The following ZNF83 variants were observed in gnomAD, a reference collection of about 807,000 sequenced individuals.
The protein encoded by ZNF83 is zinc finger protein 816B.
For missense variants in ZNF83, 552 were observed against 629.9 expected (o/e 0.88, Z 1.32); for synonymous variants, 209 against 213.0 (o/e 0.98, Z 0.17).
At chr19:52,627,116 G>C (rs12982142) in intron 2 of ZNF83, among the ~76,000 whole-genome samples, 42,525 of 151,980 alleles carry the variant, frequency 0.28, 6,219 homozygotes, top group Middle Eastern at 0.34. Flanking sequence ...ACCTTGTGAC[G>C]CTCTCCTCTG....
chr19:52,644,811 C>A lies in ZNF83; in HGVS notation c.-73-9658G>T, dbSNP rs77066202. On this transcript the variant is annotated intron_variant, in intron 3 of 5. Transcript: ENST00000594682. ...AGGTGGAGGTCTCAGGAGTTTGAGA[C>A]CAGCCTGGCCAACATGGTGAAACTC... 7.2e-3 allele frequency among the ~76,000 whole-genome samples: 1,093 copies of A among 151,958 alleles called. 15 individuals carry two copies. The highest frequency in any genetic ancestry group is 0.025 in the African/African-American group (1,045 of 41,444).
rs113146313 is a variant in ZNF83 at position 52,654,219 on chromosome 19, A to C, written c.-74+1342T>G. Reference sequence around the variant, plus strand: ...TTTTGATTTTTGTCATGGGTGCTTCATGGCCATTTCTTTTAATTTCTTGCC... The same window carrying C: ...TTTTGATTTTTGTCATGGGTGCTTCCTGGCCATTTCTTTTAATTTCTTGCC... On this transcript the variant is annotated intron_variant, in intron 3 of 5. Coordinates refer to the ZNF83 transcript ENST00000594682. The C allele has an allele frequency of 3.2e-6, 5 of 1,586,466 alleles. No homozygotes were observed. The Admixed American group carries it at 6.7e-5, about 21-fold the overall frequency.
chr19:52,618,430 T>G (rs1239243709), intron 2 of ZNF83: 1 of 154,774 alleles, frequency 6.5e-6, no homozygotes, highest in East Asian at 1.9e-4. Context: ...CGGCTAATTT[T>G]TTTTTGTATT....
upstream of ZNF83, among the ~76,000 whole-genome samples, chr19:52,639,417 T>TTTC (rs1555786095): frequency 3.0e-5 from 3 of 99,316 alleles, no homozygotes; most frequent in African/African-American, 8.1e-5. Context: ...TTTTTTCTAT[T>TTTC]TTTTTTTTTT....
chr19:52,636,510 T>C (rs2061152662), intron 1 of ZNF83: 1 of 152,182 alleles, frequency 6.6e-6, no homozygotes, highest in Non-Finnish European at 1.5e-5. Context: ...AGAATGTACA[T>C]GTCTTATAGA....
At chr19:52,676,723 T>G (rs1600264813) in intron 1 of ZNF83, among the ~76,000 whole-genome samples, 1 of 138,738 alleles carries the variant, frequency 7.2e-6, no homozygotes, top group Admixed American at 7.2e-5. Flanking sequence ...AATCGGATGG[T>G]TGCCGTGTCT....
At position 52,613,106 on chromosome 19, in the gene ZNF83, A is replaced by G. The variant is rs182556470; in HGVS notation, c.1459T>C (p.Cys487Arg). Reference sequence around the variant, plus strand: ...CGGAAGAGTTTGCCACATTCATTACATTTGAAATGTTTCTCTCCAGTGTGG... The same window carrying G: ...CGGAAGAGTTTGCCACATTCATTACGTTTGAAATGTTTCTCTCCAGTGTGG... The change falls in exon 3 of 3, where the codon TGT becomes CGT. Residue 487 changes from cysteine (C) to arginine (R), a missense_variant. Physicochemically the swap from Cys to Arg is radical, Grantham distance 180 (BLOSUM62 -3). Coordinates refer to ENST00000301096, the Ensembl canonical transcript of ZNF83. 24 of 1,614,052 alleles carry G rather than the reference A, an allele frequency of 1.5e-5. No homozygotes were observed. In the Middle Eastern group the frequency reaches 4.9e-4, roughly 33 times the overall value.
intron 1 of ZNF83, among the ~76,000 whole-genome samples, chr19:52,680,606 A>ATTTTTTTTT (rs556558292): frequency 5.6e-5 from 5 of 88,960 alleles, no homozygotes; most frequent in African/African-American, 2.3e-4. Flanking sequence ...TCCACAAAAT[A>ATTTTTTTTT]TTTTTTTTTT....
intron 1 of ZNF83, among the ~76,000 whole-genome samples, chr19:52,661,501 A>G (rs778865218): frequency 2.8e-4 from 42 of 152,298 alleles, no homozygotes; most frequent in Admixed American, 4.6e-4. Flanking sequence ...TTGATGTTCA[A>G]TGCTGGACAC....
intron 1 of ZNF83, among the ~76,000 whole-genome samples, chr19:52,688,139 A>C (rs560318961): frequency 5.6e-4 from 85 of 151,952 alleles, no homozygotes; most frequent in Middle Eastern, 3.4e-3. Context: ...TAGCCAATAA[A>C]CTCACCTACT....
intron 1 of ZNF83, among the ~76,000 whole-genome samples, chr19:52,670,263 A>G (rs1410020022): frequency 2.0e-5 from 3 of 152,050 alleles, no homozygotes; most frequent in Non-Finnish European, 4.4e-5. Context: ...CCCTCATTCC[A>G]TAACATTTTT....
intron 1 of ZNF83, among the ~76,000 whole-genome samples, chr19:52,683,476 C>G (rs1177521312): frequency 7.1e-6 from 1 of 140,496 alleles, no homozygotes; most frequent in Non-Finnish European, 1.5e-5. Context: ...GTCCTTCATG[C>G]CCCTCAGGTC....
intron 3 of ZNF83, among the ~76,000 whole-genome samples, chr19:52,644,991 C>T (rs984247069): frequency 2.6e-4 from 31 of 117,618 alleles, no homozygotes; most frequent in African/African-American, 9.6e-4. Flanking sequence ...GTCTGGGCAA[C>T]AAGAGCAAAA....
intron 3 of ZNF83, among the ~76,000 whole-genome samples, chr19:52,649,793 A>C (rs1258254699): frequency 6.6e-6 from 1 of 152,166 alleles, no homozygotes; most frequent in Non-Finnish European, 1.5e-5. Flanking sequence ...CATTGCAAAA[A>C]AAGTTACAGA....
chr19:52,620,805 C>T (rs2060514389), intron 2 of ZNF83, among the ~76,000 whole-genome samples: 1 of 152,190 alleles, frequency 6.6e-6, no homozygotes, highest in African/African-American at 2.4e-5. Flanking sequence ...TATGACTTTC[C>T]ATTATGACTT....
At chr19:52,625,293 G>A (rs1199483702) in intron 2 of ZNF83, among the ~76,000 whole-genome samples, 1 of 151,950 alleles carries the variant, frequency 6.6e-6, no homozygotes. Context: ...TCCATATCTT[G>A]CACCACCATG....
At chr19:52,650,829 CT>C (rs2061432890) in intron 3 of ZNF83, 1 of 152,156 alleles carries the variant, frequency 6.6e-6, no homozygotes, top group South Asian at 2.1e-4. Context: ...CAGAAGGATT[CT>C]TCACTTCATT....
intron 2 of ZNF83, among the ~76,000 whole-genome samples, chr19:52,620,609 T>A (rs991896207): frequency 6.6e-6 from 1 of 152,138 alleles, no homozygotes; most frequent in African/African-American, 2.4e-5. Context: ...ACATGTTAAT[T>A]TTCACAACCA....
chr19:52,653,308 C>T, intron 3 of ZNF83: 1 of 1,353,772 alleles, frequency 7.4e-7, no homozygotes, highest in Non-Finnish European at 1.0e-6. Flanking sequence ...ACATTCATTA[C>T]ATGTGTAAGG....
Sources: allele counts gnomAD v4.1 joint callset (sites outside exome capture counted in the v4.1 genomes callset), GRCh38; gene constraint gnomAD v4.1.1; transcripts MANE v1.5; gene names NCBI Gene and HGNC (gene_info 2026-07-23, HGNC 2026-07-21).